CSF3R: variants seen among roughly 807,000 people sequenced by gnomAD.
The protein encoded by CSF3R is granulocyte colony-stimulating factor receptor.
In CSF3R, 52 loss-of-function variants were observed where a neutral mutation model predicts 84.4. The observed-to-expected ratio is 0.62, with a 90% CI of 0.49 to 0.78. The LOEUF is 0.78. Ranked by LOEUF, CSF3R falls within the 30% of genes least tolerant of loss-of-function variation. The pLI is 0.00. For synonymous variants in CSF3R, 384 were observed against 429.1 expected, an observed-to-expected ratio of 0.89 and a Z score of 1.30; for missense variants, 890 against 1,055.7, an observed-to-expected ratio of 0.84 and a Z score of 2.17.
At position 36,469,729 on chromosome 1, in the gene CSF3R, C is replaced by A; in HGVS notation, c.1397G>T (p.Gly466Val). 1 of 1,614,176 alleles carries A rather than the reference C, an allele frequency of 6.2e-7. No homozygotes were observed. The highest frequency in any genetic ancestry group is 8.5e-7 in the Non-Finnish European group (1 of 1,180,050). ...GTTGCTATTGCTCGCGCTGGGGGGG[C>A]CCAGGCCCCACTCAATCACATAGCC... The part of the protein sequence containing the change: ...PQGYVIEWGL[G>V]PPSASNSNKT... Residue 466 changes from glycine (G) to valine (V), a missense_variant, in exon 11 of 17, where the codon GGC (glycine) becomes GTC (valine). Physicochemically the swap from Gly to Val is moderately radical, Grantham distance 109. Transcript: ENST00000373106.
At position 36,467,974 on chromosome 1, in the gene CSF3R, G is replaced by A. The variant is rs368205119; in HGVS notation, c.1724-12C>T. 4 of 1,614,090 alleles carry A rather than the reference G, an allele frequency of 2.5e-6. No homozygotes were observed. The African/African-American group carries it at 4.0e-5, about 16-fold the overall frequency. ...ATTCAGGATGGCGGCTGGGAGGGGTGTACGGTCAGCATAGGCCTGGATGGT... is the reference window on the plus strand; with the variant it reads ...ATTCAGGATGGCGGCTGGGAGGGGTATACGGTCAGCATAGGCCTGGATGGT... On this transcript the variant is annotated splice_polypyrimidine_tract_variant and intron_variant, in intron 13 of 16. Coordinates refer to ENST00000373106, the MANE Select transcript of CSF3R (RefSeq NM_000760.4). This position sits in a 1 kb window ranked among gnomAD's most constrained non-coding sequence, Gnocchi z 4.1.
In CSF3R at chr1:36,473,878, G is replaced by T; in HGVS notation, c.371C>A (p.Ala124Asp). Residue 124 changes from alanine to aspartate, a missense_variant, in exon 5 of 17, where the codon GCC (alanine) becomes GAC (aspartate). Ala to Asp is a moderately radical substitution (Grantham distance 126). Coordinates refer to ENST00000373106, the MANE Select transcript of CSF3R (RefSeq NM_000760.4). ...GAGGCAGGAGAGGTTGTGGGGTATG[G>T]CTGGAGGGTCTGCATGTGGGTGGGA... ...QVELRAGYPP[A>D]IPHNLSCLMN... 1 of 1,614,210 alleles carries T rather than the reference G, an allele frequency of 6.2e-7. No homozygotes were observed. The highest frequency in any genetic ancestry group is 1.1e-5 in the South Asian group (1 of 91,092).
At position 36,472,451 on chromosome 1, in the gene CSF3R, C is replaced by T. The variant is rs574510311; in HGVS notation, c.844-60G>A. 5.0e-4 allele frequency: 799 copies of T among 1,613,644 alleles called. 1 individual carries two copies. Among genetic ancestry groups the T allele is most frequent in the Non-Finnish European group, 6.5e-4 (763 of 1,179,892 alleles). On this transcript the variant is annotated intron_variant, in intron 7 of 16. Transcript: ENST00000373106. The surrounding 1 kb of genome is among the most constrained non-coding windows in gnomAD (Gnocchi z 5.0). ...TCGCTGGGCCATTCTAGGGCCAGCT[C>T]GAGCCCGACTTACCCTGCCCCCTGC... is the stretch of plus-strand genomic sequence containing the variant.
At chr1:36,479,308 T>G (rs542158429) in intron 3 of CSF3R, 125 bp downstream of exon 3, 1 of 991,772 alleles carries the variant, frequency 1.0e-6, no homozygotes, top group Non-Finnish European at 1.6e-6. Flanking sequence ...CATCTGTGGC[T>G]CAGACTTGAA....
At chr1:36,470,598 G>A (rs532310565) in intron 10 of CSF3R, among the ~76,000 whole-genome samples, 1 of 152,328 alleles carries the variant, frequency 6.6e-6, no homozygotes, top group East Asian at 1.9e-4. Flanking sequence ...TAAGAAACTT[G>A]TCTAAGATCA....
At chr1:36,468,432 A>C in intron 12 of CSF3R, 1 of 482,732 alleles carries the variant, frequency 2.1e-6, no homozygotes, top group Non-Finnish European at 3.6e-6. Context: ...GCTCTGCTTG[A>C]CTCTAAAGCC....
chr1:36,468,438 A>C, intron 12 of CSF3R: 1 of 477,746 alleles, frequency 2.1e-6, no homozygotes, highest in Non-Finnish European at 3.7e-6. Flanking sequence ...CTTGACTCTA[A>C]AGCCTCACTT....
In CSF3R at chr1:36,472,802, G is replaced by A. The variant is rs1360127476; in HGVS notation, c.674-116C>T. On this transcript the variant is annotated intron_variant, in intron 6 of 16. Transcript: ENST00000373106. The surrounding 1 kb of genome is among the most constrained non-coding windows in gnomAD (Gnocchi z 5.0). ...CATCTGTCCACGTTGCCAATGACACGTTTCTGTGGTTCGATCTCTATGTGT... is the reference window on the plus strand; with the variant it reads ...CATCTGTCCACGTTGCCAATGACACATTTCTGTGGTTCGATCTCTATGTGT... 1.5e-5 allele frequency: 18 copies of A among 1,238,176 alleles called. No individual in the cohort carries two copies. The East Asian group carries it at 2.6e-4, about 18-fold the overall frequency. 76.7% of individuals were successfully genotyped at this position (1,238,176 alleles called of 1,614,324 possible). A position where few individuals can be genotyped will look rare whatever the true frequency, so the allele number is the denominator to read the frequency against.
intron 2 of CSF3R, among the ~76,000 whole-genome samples, chr1:36,480,676 G>A (rs550834694): frequency 6.6e-6 from 1 of 152,310 alleles, no homozygotes; most frequent in African/African-American, 2.4e-5. Context: ...CAGATCCCTC[G>A]TGCTCAGCAG....
At chr1:36,469,118 G>A (rs761038239) in intron 12 of CSF3R, 38 bp downstream of exon 12, 1 of 1,450,642 alleles carries the variant, frequency 6.9e-7, no homozygotes, top group Non-Finnish European at 9.7e-7. Context: ...GGGAGAGAGA[G>A]GAGAGGATTC....
intron 3 of CSF3R, chr1:36,476,451 C>T (rs1044620423): frequency 1.3e-5 from 2 of 152,248 alleles, no homozygotes; most frequent in African/African-American, 4.8e-5. Context: ...TATTTGCTGC[C>T]ATCATTAGGA....
At position 36,473,556 on chromosome 1, in the gene CSF3R, G is replaced by A. The variant is rs1557594993; in HGVS notation, c.552C>T (p.Ser184=). ...GGTGTTTGCGTGGGATGCAGCAGTGGCTCTGCCCGTCCTTGGGCACGCAGT... is the reference window on the plus strand; with the variant it reads ...GGTGTTTGCGTGGGATGCAGCAGTGACTCTGCCCGTCCTTGGGCACGCAGT... ...ILDCVPKDGQ[S]HCCIPRKHLL... is the part of the protein sequence containing the mutation. The change falls in exon 6 of 17, where the codon AGC becomes AGT. Residue 184 remains serine (S), a synonymous_variant. Coordinates refer to ENST00000373106, the MANE Select transcript of CSF3R (RefSeq NM_000760.4). The A allele has an allele frequency of 6.2e-7, 1 of 1,614,168 alleles. No individual in the cohort carries two copies. Among genetic ancestry groups the A allele is most frequent in the Non-Finnish European group, 8.5e-7 (1 of 1,180,054 alleles).
At position 36,472,603 on chromosome 1, in the gene CSF3R, A is replaced by T; in HGVS notation, c.757T>A (p.Trp253Arg). The change falls in exon 7 of 17, where the codon TGG becomes AGG. Residue 253 changes from tryptophan to arginine, a missense_variant. Physicochemically the swap from Trp to Arg is moderately radical, Grantham distance 101. Transcript: ENST00000373106. The surrounding 1 kb of genome is among the most constrained non-coding windows in gnomAD (Gnocchi z 5.0). ...TGCAGGCCTGGCTGCCATGGCTCCC[A>T]GCACAGCTGTAGGCAGCCTGCCTGG... ...PPQAGCLQLCWEPWQPGLHIN... is the reference protein window; with the variant it reads ...PPQAGCLQLCREPWQPGLHIN... The T allele has an allele frequency of 6.2e-7, 1 of 1,613,894 alleles. No individual in the cohort carries two copies. Among genetic ancestry groups the T allele is most frequent in the Non-Finnish European group, 8.5e-7 (1 of 1,179,964 alleles).
rs938405815 is a variant in CSF3R at position 36,482,311 on chromosome 1, G to C, written c.-81+500C>G. ...CGCCGACCCAGAGAGTGGGCGGGGG[G>C]GGGGCACTCGGAGGCCTGGAGCCCG... On this transcript the variant is annotated intron_variant, in intron 1 of 16. Coordinates refer to ENST00000373106, the MANE Select transcript of CSF3R (RefSeq NM_000760.4). Among the ~76,000 whole-genome samples the C allele has an allele frequency of 4.6e-5, 7 of 151,918 alleles. No homozygotes were observed. In the East Asian group the frequency reaches 1.2e-3, roughly 25 times the overall value.
chr1:36,466,276 A>G lies in CSF3R; in HGVS notation c.*81T>C. 2 of 1,611,862 alleles carry G rather than the reference A, an allele frequency of 1.2e-6. No homozygotes were observed. Among genetic ancestry groups the G allele is most frequent in the South Asian group, 2.2e-5 (2 of 90,906 alleles). The stretch of plus-strand genomic sequence containing the variant: ...GCCTGGGCTGGGGTAGTTTTTAGTC[A>G]TGGGCTTATGGACCCTCCCCTCTTC... On this transcript the variant is annotated 3_prime_UTR_variant, in exon 17 of 17. Coordinates refer to ENST00000373106, the MANE Select transcript of CSF3R (RefSeq NM_000760.4). This position sits in a 1 kb window ranked among gnomAD's most constrained non-coding sequence, Gnocchi z 4.6.
At chr1:36,468,334 G>A in intron 12 of CSF3R, 113 bp from the exon 13 acceptor site, 1 of 1,126,540 alleles carries the variant, frequency 8.9e-7, no homozygotes, top group Non-Finnish European at 1.2e-6. Flanking sequence ...GAGTCCAAGG[G>A]GACTCATGCC....
At chr1:36,474,390 CTTTTTT>C (rs911099378) in intron 4 of CSF3R, among the ~76,000 whole-genome samples, 8 of 86,260 alleles carry the variant, frequency 9.3e-5, no homozygotes, top group Admixed American at 3.0e-4. Flanking sequence ...ATTACTGGTG[CTTTTTT>C]TTTTTTTTTT....
Position 36,475,491 on chromosome 1 carries a change from G to T in CSF3R, c.247C>A (p.Gln83Lys). ...GRQQRLSDGT[Q>K]ESIITLPHLN... ...TGGGGCAGGGTGATGATAGATTCCTGGGTCCCATCAGACAGACGCTGCTGC... is the reference window on the plus strand; with the variant it reads ...TGGGGCAGGGTGATGATAGATTCCTTGGTCCCATCAGACAGACGCTGCTGC... Residue 83 changes from glutamine (Q) to lysine (K), a missense_variant, in exon 4 of 17, where the codon CAG (glutamine) becomes AAG (lysine). Physicochemically the swap from Gln to Lys is moderately conservative, Grantham distance 53 (BLOSUM62 1). Transcript: ENST00000373106. The T allele has an allele frequency of 6.2e-7, 1 of 1,614,168 alleles. No homozygotes were observed. The highest frequency in any genetic ancestry group is 2.2e-5 in the East Asian group (1 of 44,888).
At chr1:36,475,933 G>A (rs1200050334) in intron 3 of CSF3R, 3 of 450,626 alleles carry the variant, frequency 6.7e-6, no homozygotes, top group East Asian at 3.4e-5. Context: ...GTGCCTTTCC[G>A]CGGTGTAAGT....
Sources: allele counts gnomAD v4.1 joint callset (sites outside exome capture counted in the v4.1 genomes callset), GRCh38; gene constraint gnomAD v4.1.1; non-coding constraint Gnocchi (gnomAD v3.1); transcripts MANE v1.5; gene names NCBI Gene and HGNC (gene_info 2026-07-23, HGNC 2026-07-21).